The following TBC1D20 variants were observed in gnomAD, a reference collection of about 807,000 sequenced individuals.
TBC1D20 encodes the protein chromosome 20 open reading frame 140.
TBC1D20 carries 12 observed loss-of-function variants against 41.6 expected under a neutral mutation model. The ratio of observed to expected loss-of-function variants is 0.29; its 90% CI spans 0.18 to 0.47. TBC1D20 has a LOEUF of 0.47. Among genes scored for constraint, TBC1D20 ranks in the 20% least tolerant of loss-of-function variants. The pLI is 1.00. For missense variants in TBC1D20, 421 were observed against 517.4 expected (o/e 0.81, Z 1.81); for synonymous variants, 205 against 204.8 (o/e 1.00, Z -0.01).
chr20:453,639 A>C (rs542162339), intron 1 of TBC1D20, among the ~76,000 whole-genome samples: 1 of 119,136 alleles, frequency 8.4e-6, no homozygotes, highest in Non-Finnish European at 1.6e-5. Context: ...TCCACCTCCC[A>C]GGTTCAAGTG....
chr20:446,820 C>T (rs1382030115), intron 2 of TBC1D20, among the ~76,000 whole-genome samples: 2 of 151,378 alleles, frequency 1.3e-5, no homozygotes, highest in African/African-American at 2.4e-5. Flanking sequence ...TTTGTAGAGA[C>T]AGGGTTTCGC....
At chr20:449,650 C>G (rs1350846251) in intron 1 of TBC1D20, among the ~76,000 whole-genome samples, 1 of 152,106 alleles carries the variant, frequency 6.6e-6, no homozygotes, top group Admixed American at 6.5e-5. Flanking sequence ...GATCTTGGTT[C>G]AAATCCTGGC....
rs888370122 is a variant in TBC1D20, at chr20:441,483, C to A, written c.626+105G>T. On this transcript the variant is annotated intron_variant, in intron 5 of 7. Transcript: ENST00000354200. ...AACTGGGGAGAACTTAACAAATCCACCCAAGACAATGAGGAAACTGCGCTC... is the reference window on the plus strand; with the variant it reads ...AACTGGGGAGAACTTAACAAATCCAACCAAGACAATGAGGAAACTGCGCTC... 1.0e-5 allele frequency: 10 copies of A among 1,000,958 alleles called. No individual in the cohort carries two copies. The African/African-American group carries it at 1.6e-4, about 16-fold the overall frequency. The allele number at this position is 1,000,958 out of a possible 1,614,324, so 62.0% of individuals were successfully genotyped here. A position where few individuals can be genotyped will look rare whatever the true frequency, so the allele number is the denominator to read the frequency against.
At chr20:445,290 T>C (rs1479526872) in intron 2 of TBC1D20, among the ~76,000 whole-genome samples, 160 bp from the exon 3 acceptor site, 1 of 152,144 alleles carries the variant, frequency 6.6e-6, no homozygotes, top group African/African-American at 2.4e-5. Context: ...AATCCCTAGT[T>C]TGGTTCCAAA....
rs1010556697 is a variant in TBC1D20 at position 459,639 on chromosome 20, T to TTTTA, written c.70+2693_70+2696dup. Among the ~76,000 whole-genome samples the TTTTA allele has an allele frequency of 3.5e-3, 530 of 152,176 alleles. 3 individuals carry two copies. Among genetic ancestry groups the TTTTA allele is most frequent in the East Asian group, 6.2e-3 (32 of 5,180 alleles). On this transcript the variant is annotated intron_variant, in intron 1 of 7. Transcript: ENST00000354200. ...GCCTACTCTTCATTAGAACGCTTAT[T>TTTTA]TTTATTTATTTATTTATTTATTTAT...
chr20:445,145 G>A lies in TBC1D20; in HGVS notation c.257-15C>T, dbSNP rs372170499. On this transcript the variant is annotated splice_polypyrimidine_tract_variant and intron_variant, in intron 2 of 7. Coordinates refer to ENST00000354200, the MANE Select transcript of TBC1D20 (RefSeq NM_144628.4). ...TAGGTTCTTCCCTATTGAAGGAAAA[G>A]GCACGTTATTGCAGGAATGCCTGAG... The A allele has an allele frequency of 1.9e-5, 30 of 1,578,284 alleles. No individual in the cohort carries two copies. In the African/African-American group the frequency reaches 3.4e-4, roughly 18 times the overall value.
Position 439,713 on chromosome 20 carries a change from TCTGA to T in TBC1D20, c.769-422_769-419del, listed in dbSNP as rs1277104074. ...TCTTGCTCCCTTTAAGCATCTTCCT[TCTGA>T]CTGTTGGTCCACAAATCCACAGATG... is the stretch of plus-strand genomic sequence containing the variant. On this transcript the variant is annotated intron_variant, in intron 6 of 7. Transcript: ENST00000354200. This position sits in a 1 kb window ranked among gnomAD's most constrained non-coding sequence, Gnocchi z 4.6. 2.6e-5 allele frequency among the ~76,000 whole-genome samples: 4 copies of T among 152,324 alleles called. No homozygotes were observed. In the East Asian group the frequency reaches 5.8e-4, roughly 22 times the overall value.
intron 1 of TBC1D20, among the ~76,000 whole-genome samples, chr20:448,682 C>T (rs1304642575): frequency 1.4e-5 from 2 of 146,316 alleles, no homozygotes; most frequent in African/African-American, 5.2e-5. Context: ...GAGCGAGACT[C>T]CGTCTTGAAA....
At chr20:457,078 A>G (rs1600344045) in intron 1 of TBC1D20, among the ~76,000 whole-genome samples, 2 of 151,676 alleles carry the variant, frequency 1.3e-5, no homozygotes, top group African/African-American at 4.8e-5. Flanking sequence ...CTGGGATTAC[A>G]GGCATGCACC....
chr20:462,299 C>T (rs1374446346), intron 1 of TBC1D20, 37 bp downstream of exon 1: 2 of 1,260,502 alleles, frequency 1.6e-6, no homozygotes, highest in African/African-American at 1.6e-5. Flanking sequence ...GGGCCGCCCT[C>T]GCAGGCCGCT....
chr20:448,465 C>A (rs963027361), intron 1 of TBC1D20, among the ~76,000 whole-genome samples: 2 of 151,816 alleles, frequency 1.3e-5, no homozygotes, highest in South Asian at 4.2e-4. Flanking sequence ...CCGAGGTGGG[C>A]GGATCACAAG....
In TBC1D20 at chr20:462,435, C is replaced by T. The variant is rs746105373; in HGVS notation, c.-30G>A. On this transcript the variant is annotated 5_prime_UTR_variant, in exon 1 of 8. Coordinates refer to ENST00000354200, the MANE Select transcript of TBC1D20 (RefSeq NM_144628.4). Reference sequence around the variant, plus strand: ...CGGGGCCCCGGGCCCCCACCCGAGCCCCGGCTGGTGGCGGAGCCGGGAGAA... The same window carrying T: ...CGGGGCCCCGGGCCCCCACCCGAGCTCCGGCTGGTGGCGGAGCCGGGAGAA... 3.1e-5 allele frequency: 37 copies of T among 1,189,504 alleles called. No individual in the cohort carries two copies. In the African/African-American group the frequency reaches 5.8e-4, roughly 19 times the overall value. 73.7% of individuals were successfully genotyped at this position (1,189,504 alleles called of 1,614,324 possible).
At chr20:445,213 C>T in intron 2 of TBC1D20, 83 bp from the exon 3 acceptor site, 1 of 983,592 alleles carries the variant, frequency 1.0e-6, no homozygotes, top group Middle Eastern at 2.1e-4. Context: ...ACACAAAAGG[C>T]CTAGAGGGCA....
chr20:449,386 G>A (rs899424594), intron 1 of TBC1D20, among the ~76,000 whole-genome samples: 6 of 150,900 alleles, frequency 4.0e-5, no homozygotes, highest in African/African-American at 1.5e-4. Flanking sequence ...AATGAGGTCA[G>A]GAGTTCGAGA....
At chr20:460,922 C>T (rs945159865) in intron 1 of TBC1D20, among the ~76,000 whole-genome samples, 1 of 152,176 alleles carries the variant, frequency 6.6e-6, no homozygotes, top group African/African-American at 2.4e-5. Context: ...CTGCCTAGGG[C>T]ATTGACTGTT....
rs2017132982 is a variant in TBC1D20, at chr20:437,100, T to A, written c.*1486A>T. 1 of 151,918 alleles carries A rather than the reference T, an allele frequency of 6.6e-6. No individual in the cohort carries two copies. The highest frequency in any genetic ancestry group is 6.6e-5 in the Admixed American group (1 of 15,236). 9.4% of individuals were successfully genotyped at this position (151,918 alleles called of 1,614,324 possible). On this transcript the variant is annotated 3_prime_UTR_variant, in exon 8 of 8. Coordinates refer to ENST00000354200, the MANE Select transcript of TBC1D20 (RefSeq NM_144628.4). ...CTGCACTCCAGCCTGGGCAACAGAG[T>A]GAGACTCCATCTCAGAAAAAAGAAA...
chr20:446,941 G>A (rs1487803310), intron 2 of TBC1D20, among the ~76,000 whole-genome samples: 1 of 134,354 alleles, frequency 7.4e-6, no homozygotes, highest in Admixed American at 8.3e-5. Context: ...CACAAAATAC[G>A]CATTTTTTTT....
At chr20:444,968 G>A in intron 3 of TBC1D20, 82 bp downstream of exon 3, 1 of 1,272,566 alleles carries the variant, frequency 7.9e-7, no homozygotes, top group Non-Finnish European at 1.1e-6. Context: ...GAGGCGGCAG[G>A]GTCCAGCATA....
In TBC1D20 at chr20:462,377, C is replaced by A. The variant is rs1342192831; in HGVS notation, c.29G>T (p.Gly10Val). The change falls in exon 1 of 8, where the codon GGC (glycine) becomes GTC (valine). Residue 10 changes from glycine (G) to valine (V), a missense_variant. Coordinates refer to ENST00000354200, the MANE Select transcript of TBC1D20 (RefSeq NM_144628.4). MALRSAQGD[G>V]PTSGHWDGGA... Reference sequence around the variant, plus strand: ...GCCGTCCCAGTGGCCGGAGGTGGGGCCGTCGCCCTGCGCACTCCGGAGGGC... The same window carrying A: ...GCCGTCCCAGTGGCCGGAGGTGGGGACGTCGCCCTGCGCACTCCGGAGGGC... 2 of 1,303,252 alleles carry A rather than the reference C, an allele frequency of 1.5e-6. No homozygotes were observed. The highest frequency in any genetic ancestry group is 1.9e-5 in the South Asian group (1 of 52,210). 80.7% of individuals were successfully genotyped at this position (1,303,252 alleles called of 1,614,324 possible).
Sources: allele counts gnomAD v4.1 joint callset (sites outside exome capture counted in the v4.1 genomes callset), GRCh38; gene constraint gnomAD v4.1.1; non-coding constraint Gnocchi (gnomAD v3.1); transcripts MANE v1.5; gene names NCBI Gene and HGNC (gene_info 2026-07-23, HGNC 2026-07-21).